The following SYNPO2 variants were observed in gnomAD, a reference collection of about 807,000 sequenced individuals.
SYNPO2 encodes the protein synaptopodin-2.
Under a neutral mutation model 85.0 loss-of-function variants are expected in SYNPO2, and 56 were observed. That is an observed-to-expected ratio of 0.66 (90% CI 0.53 to 0.82). The LOEUF is 0.82. Among genes scored for constraint, SYNPO2 ranks in the 40% least tolerant of loss-of-function variants. The pLI, the probability that SYNPO2 is intolerant of heterozygous loss-of-function variation, is 0.00. For synonymous variants in SYNPO2, 602 were observed against 591.1 expected, an observed-to-expected ratio of 1.02 and a Z score of -0.27; for missense variants, 1,575 against 1,534.2, an observed-to-expected ratio of 1.03 and a Z score of -0.44.
chr4:119,036,430 A>G, intron 4 of SYNPO2: 5 of 985,428 alleles, frequency 5.1e-6, no homozygotes, highest in Non-Finnish European at 6.0e-6. Context: ...TGCCTGTGAC[A>G]CTTTGGTGTT....
chr4:119,060,495 A>C lies in SYNPO2; in HGVS notation c.*2561A>C, dbSNP rs1313909710. ...GAAAATGAATAAAGTTAGATTGCTC[A>C]CATTGAAGCTAATGGTTGAGACAAG... On this transcript the variant is annotated 3_prime_UTR_variant, in exon 5 of 5. Coordinates refer to ENST00000307142, the MANE Select transcript of SYNPO2 (RefSeq NM_133477.3). The C allele has an allele frequency of 6.6e-6, 1 of 152,212 alleles. No homozygotes were observed. The highest frequency in any genetic ancestry group is 1.5e-5 in the Non-Finnish European group (1 of 68,022). 9.4% of individuals were successfully genotyped at this position (152,212 alleles called of 1,614,324 possible). A position where few individuals can be genotyped will look rare whatever the true frequency, so the allele number is the denominator to read the frequency against.
chr4:119,009,546 A>G (rs145951473), intron 1 of SYNPO2, among the ~76,000 whole-genome samples: 2 of 152,284 alleles, frequency 1.3e-5, no homozygotes, highest in Non-Finnish European at 2.9e-5. Flanking sequence ...ACACATAAAC[A>G]TAATTGATTG....
intron 4 of SYNPO2, among the ~76,000 whole-genome samples, chr4:119,039,606 C>T (rs1480552012): frequency 6.6e-6 from 1 of 152,114 alleles, no homozygotes; most frequent in Non-Finnish European, 1.5e-5. Context: ...TTCTGTTGAA[C>T]AAATTCCCAC....
At chr4:118,910,953 T>C (rs1037904941) in intron 1 of SYNPO2, among the ~76,000 whole-genome samples, 3 of 152,188 alleles carry the variant, frequency 2.0e-5, no homozygotes, top group African/African-American at 7.2e-5. Flanking sequence ...GCCTGTGCAG[T>C]TGGTGCTTAA....
In SYNPO2 at chr4:118,909,470, G is replaced by A. The variant is rs7679364; in HGVS notation, c.105+20329G>A. 4.1e-3 allele frequency among the ~76,000 whole-genome samples: 620 copies of A among 152,338 alleles called. 4 individuals carry two copies. Among genetic ancestry groups the A allele is most frequent in the African/African-American group, 0.014 (590 of 41,582 alleles). The stretch of plus-strand genomic sequence containing the variant: ...TTGCCCAGGAACACTCCAGTGGAGA[G>A]AGAGTACGTGGGAACTTAGGAACTG... On this transcript the variant is annotated intron_variant, in intron 1 of 4. Coordinates refer to ENST00000307142, the MANE Select transcript of SYNPO2 (RefSeq NM_133477.3).
chr4:118,888,306 C>T (rs1258720890), upstream of SYNPO2, among the ~76,000 whole-genome samples: 1 of 152,204 alleles, frequency 6.6e-6, no homozygotes, highest in African/African-American at 2.4e-5. Flanking sequence ...CTTCCCCTTT[C>T]TCTAAATATA....
chr4:119,041,016 A>G (rs991417040), intron 4 of SYNPO2, among the ~76,000 whole-genome samples: 2 of 152,250 alleles, frequency 1.3e-5, no homozygotes, highest in Non-Finnish European at 2.9e-5. Context: ...ATGAAAAACA[A>G]TTCTAAGAAG....
Position 118,889,013 on chromosome 4 carries a change from A to T in SYNPO2, c.-24A>T. ...CTTCGTCTGTCTCGTCAAGCTCTTC[A>T]TGCTGCCCAACTAAAAGGAAAACAT... On this transcript the variant is annotated 5_prime_UTR_variant, in exon 1 of 5. An upstream start codon of the reference 5' UTR is lost. Coordinates refer to ENST00000307142, the MANE Select transcript of SYNPO2 (RefSeq NM_133477.3). 6.2e-7 allele frequency: 1 copy of T among 1,611,736 alleles called. No individual in the cohort carries two copies. The highest frequency in any genetic ancestry group is 8.5e-7 in the Non-Finnish European group (1 of 1,178,004).
chr4:118,863,655 A>G (rs1347885270), intron 1 of SYNPO2, among the ~76,000 whole-genome samples: 2 of 151,946 alleles, frequency 1.3e-5, no homozygotes, highest in African/African-American at 4.8e-5. Context: ...TCCATCACCC[A>G]TGCTGGAGTG....
At chr4:119,035,671 C>G (rs1197868842) in intron 4 of SYNPO2, 4 of 985,170 alleles carry the variant, frequency 4.1e-6, no homozygotes, top group Non-Finnish European at 3.6e-6. Flanking sequence ...CCAATCTGAG[C>G]TACAAATAGT....
chr4:118,927,473 TG>T (rs1733748020), intron 1 of SYNPO2, among the ~76,000 whole-genome samples: 1 of 152,100 alleles, frequency 6.6e-6, no homozygotes, highest in Non-Finnish European at 1.5e-5. Flanking sequence ...TACAACTGGG[TG>T]GTATCTGAAC....
At chr4:119,028,944 A>C (rs960282233) in intron 3 of SYNPO2, among the ~76,000 whole-genome samples, 6 of 151,738 alleles carry the variant, frequency 4.0e-5, no homozygotes, top group Admixed American at 2.6e-4. Context: ...ATAATGAAAG[A>C]AAATTTTAAA....
intron 1 of SYNPO2, among the ~76,000 whole-genome samples, chr4:118,876,958 C>A (rs1226937803): frequency 6.6e-6 from 1 of 151,326 alleles, no homozygotes; most frequent in East Asian, 1.9e-4. Flanking sequence ...GCTCACTCTG[C>A]CCATCTAATT....
intron 1 of SYNPO2, among the ~76,000 whole-genome samples, chr4:118,982,560 G>A (rs529056479): frequency 1.1e-4 from 17 of 152,272 alleles, no homozygotes; most frequent in African/African-American, 2.4e-4. Flanking sequence ...AATCACTAGC[G>A]GTGGTCTCAG....
chr4:119,012,631 G>A (rs988972980), intron 1 of SYNPO2, among the ~76,000 whole-genome samples: 3 of 152,028 alleles, frequency 2.0e-5, no homozygotes, highest in African/African-American at 7.3e-5. Context: ...TCCCACTTAT[G>A]AGTGAGAACA....
At chr4:118,992,769 G>A (rs1211961384) in intron 1 of SYNPO2, among the ~76,000 whole-genome samples, 2 of 152,144 alleles carry the variant, frequency 1.3e-5, no homozygotes, top group Non-Finnish European at 1.5e-5. Context: ...TGCATCTTAG[G>A]TTTGGAGATC....
At chr4:118,876,890 A>G (rs974778879) in intron 1 of SYNPO2, among the ~76,000 whole-genome samples, 3 of 151,534 alleles carry the variant, frequency 2.0e-5, no homozygotes, top group African/African-American at 7.3e-5. Context: ...TCCCAGCCTG[A>G]AGCAATCCTT....
chr4:118,990,168 G>A (rs562636167), intron 1 of SYNPO2, among the ~76,000 whole-genome samples: 1 of 152,166 alleles, frequency 6.6e-6, no homozygotes, highest in South Asian at 2.1e-4. Flanking sequence ...TGCAAGTATG[G>A]GTAATAATAC....
At chr4:119,040,989 C>T (rs1434522933) in intron 4 of SYNPO2, among the ~76,000 whole-genome samples, 1 of 152,200 alleles carries the variant, frequency 6.6e-6, no homozygotes, top group East Asian at 1.9e-4. Flanking sequence ...GAGCAAACTC[C>T]CAGCTCAGGG....
Sources: gnomAD v4.1 joint callset for allele counts (sites outside exome capture counted in the v4.1 genomes callset) on GRCh38, gnomAD v4.1.1 for gene constraint, MANE v1.5 for transcripts, NCBI Gene and HGNC (gene_info 2026-07-23, HGNC 2026-07-21) for gene names.